STIP1: variants seen among roughly 807,000 people sequenced by gnomAD.
STIP1 encodes the protein stress induced phosphoprotein 1.
STIP1 carries 16 observed loss-of-function variants against 77.4 expected under a neutral mutation model. The observed-to-expected ratio is 0.21, with a 90% CI of 0.14 to 0.31. The LOEUF (loss-of-function observed/expected upper bound fraction) is 0.31, where lower values mean the gene tolerates loss of function less well. Among genes scored for constraint, STIP1 ranks in the 10% least tolerant of loss-of-function variants. STIP1 has a pLI of 1.00. For missense variants in STIP1, 524 were observed against 684.8 expected (o/e 0.77, Z 2.62); for synonymous variants, 258 against 246.6 (o/e 1.05, Z -0.44).
upstream of STIP1, chr11:64,185,631 G>C (rs999749914): frequency 2.7e-5 from 19 of 700,146 alleles, no homozygotes; most frequent in South Asian, 1.8e-4. Flanking sequence ...TCGGGAGCGA[G>C]AGGGAAAGCA....
intron 4 of STIP1, 37 bp from the exon 5 acceptor site, chr11:64,195,608 A>G (rs1473424262): frequency 1.3e-6 from 2 of 1,523,152 alleles, no homozygotes; most frequent in Non-Finnish European, 1.8e-6. Context: ...GGGAGGAGTA[A>G]TTACAATTTT....
At chr11:64,192,429 T>G (rs1020402284) in intron 1 of STIP1, among the ~76,000 whole-genome samples, 2 of 152,222 alleles carry the variant, frequency 1.3e-5, no homozygotes, top group African/African-American at 4.8e-5. Context: ...CCCTTTGTAA[T>G]GTAATATTTA....
At chr11:64,203,843 G>T in intron 13 of STIP1, 1 of 759,742 alleles carries the variant, frequency 1.3e-6, no homozygotes, top group Non-Finnish European at 2.1e-6. Flanking sequence ...CTGGGAGAAA[G>T]GTCTTGACTG....
chr11:64,194,690 G>A (rs67546972), intron 4 of STIP1, 70 bp downstream of exon 4: 266,612 of 1,566,734 alleles, frequency 0.17, 23,862 homozygotes, highest in Admixed American at 0.3. Context: ...TAACCTCACA[G>A]CAGAGGGTTC....
At chr11:64,186,776 C>T (rs984943356) in intron 1 of STIP1, among the ~76,000 whole-genome samples, 1 of 152,122 alleles carries the variant, frequency 6.6e-6, no homozygotes, top group African/African-American at 2.4e-5. Context: ...TGGGAGTAGC[C>T]GAGGATCTTA....
At position 64,199,930 on chromosome 11, in the gene STIP1, T is replaced by C. The variant is rs749636246; in HGVS notation, c.1024-10T>C. 10 of 1,613,972 alleles carry C rather than the reference T, an allele frequency of 6.2e-6. No individual in the cohort carries two copies. The highest frequency in any genetic ancestry group is 3.3e-5 in the Admixed American group (2 of 59,982). ...GTTTAAATTATTATTTCAAGAATTATGTTTTGTAGGCAGAGAAAATCCTGA... is the reference window on the plus strand; with the variant it reads ...GTTTAAATTATTATTTCAAGAATTACGTTTTGTAGGCAGAGAAAATCCTGA... On this transcript the variant is annotated splice_polypyrimidine_tract_variant and intron_variant, in intron 8 of 13. Transcript: ENST00000305218.
Position 64,204,139 on chromosome 11 carries a change from C to A in STIP1, c.*13C>A. On this transcript the variant is annotated 3_prime_UTR_variant, in exon 14 of 14. Coordinates refer to ENST00000305218, the MANE Select transcript of STIP1 (RefSeq NM_006819.3). ...TGCAATTCGGTGATGACTTGTTCAT[C>A]CCCCCTTCCCTTCGCCCTCATGTGG... 6.2e-7 allele frequency: 1 copy of A among 1,613,862 alleles called. No homozygotes were observed. Among genetic ancestry groups the A allele is most frequent in the South Asian group, 1.1e-5 (1 of 91,062 alleles).
intron 4 of STIP1, 42 bp from the exon 5 acceptor site, chr11:64,195,603 G>A (rs1191445019): frequency 1.3e-6 from 2 of 1,510,804 alleles, no homozygotes; most frequent in Non-Finnish European, 1.8e-6. Flanking sequence ...TTGTGGGGAG[G>A]AGTAATTACA....
At chr11:64,185,690 CA>C, upstream of STIP1, 4 of 1,245,298 alleles carry the variant, frequency 3.2e-6, no homozygotes, top group Non-Finnish European at 4.4e-6. Context: ...ACCCCGACTG[CA>C]GCCGGTACTC....
In STIP1 at chr11:64,204,475, C is replaced by G. The variant is rs1308109612; in HGVS notation, c.*349C>G. The G allele has an allele frequency of 3.2e-6, 1 of 315,574 alleles. No homozygotes were observed. The highest frequency in any genetic ancestry group is 5.8e-6 in the Non-Finnish European group (1 of 171,732). The allele number at this position is 315,574 out of a possible 1,614,324, so 19.5% of individuals were successfully genotyped here. A position where few individuals can be genotyped will look rare whatever the true frequency, so the allele number is the denominator to read the frequency against. The stretch of plus-strand genomic sequence containing the variant: ...GAGGGGGTTCTTCCAGCCTCAGGTC[C>G]CAGCTGTCTCACGTTGTTTATTCTG... On this transcript the variant is annotated 3_prime_UTR_variant, in exon 14 of 14. Transcript: ENST00000305218.
intron 10 of STIP1, among the ~76,000 whole-genome samples, chr11:64,200,590 CGTGTGTGTGTGT>C (rs35484605): frequency 0.12 from 17,043 of 141,228 alleles, 1,235 homozygotes; most frequent in Non-Finnish European, 0.18. Context: ...TCTAACTGGT[CGTGTGTGTGTGT>C]GTGTGTGTGT....
chr11:64,193,422 A>G (rs1946114425), intron 2 of STIP1, 135 bp downstream of exon 2: 1 of 767,218 alleles, frequency 1.3e-6, no homozygotes, highest in South Asian at 1.7e-5. Flanking sequence ...CTCCTCAGAA[A>G]TGGCATTTTT....
chr11:64,188,219 C>G (rs1286253438), intron 1 of STIP1, among the ~76,000 whole-genome samples: 1 of 151,744 alleles, frequency 6.6e-6, no homozygotes, highest in African/African-American at 2.4e-5. Context: ...TGGCGCAGGC[C>G]TGTAATCCCA....
At position 64,204,037 on chromosome 11, in the gene STIP1, T is replaced by C; in HGVS notation, c.1560-17T>C. 7 of 1,613,692 alleles carry C rather than the reference T, an allele frequency of 4.3e-6. No homozygotes were observed. The highest frequency in any genetic ancestry group is 5.9e-6 in the Non-Finnish European group (7 of 1,179,606). ...TAAAGGTTGTCTCATTTCAAGTAAC[T>C]GCGTCTTCCTCTGTAGACACTTAAA... On this transcript the variant is annotated splice_polypyrimidine_tract_variant and intron_variant, in intron 13 of 13. Coordinates refer to ENST00000305218, the MANE Select transcript of STIP1 (RefSeq NM_006819.3).
At chr11:64,191,616 A>G (rs1240668504) in intron 1 of STIP1, among the ~76,000 whole-genome samples, 2 of 152,120 alleles carry the variant, frequency 1.3e-5, no homozygotes, top group Non-Finnish European at 2.9e-5. Flanking sequence ...AAAAATAATA[A>G]TAATAAATAC....
intron 5 of STIP1, among the ~76,000 whole-genome samples, chr11:64,196,495 G>A (rs1355541579): frequency 6.6e-6 from 1 of 152,010 alleles, no homozygotes; most frequent in Non-Finnish European, 1.5e-5. Context: ...CACCACAGCG[G>A]CTTCATTGCT....
At chr11:64,195,375 C>T (rs1351922951) in intron 4 of STIP1, among the ~76,000 whole-genome samples, 1 of 152,146 alleles carries the variant, frequency 6.6e-6, no homozygotes, top group Non-Finnish European at 1.5e-5. Flanking sequence ...CTCGGCCTCC[C>T]AAAGTGCTGG....
Position 64,197,549 on chromosome 11 carries a change from A to G in STIP1, c.856A>G (p.Ile286Val), listed in dbSNP as rs762737538. The change falls in exon 7 of 14, where the codon ATT (isoleucine) becomes GTT (valine). Residue 286 changes from isoleucine (I) to valine (V), a missense_variant. Transcript: ENST00000305218. ...GTGCCGGGAGCTTTGTGAGAAGGCC[A>G]TTGAAGTGGGGAGAGAAAACCGAGA... ...NKCRELCEKA[I>V]EVGRENREDY... 6.2e-7 allele frequency: 1 copy of G among 1,614,106 alleles called. No individual in the cohort carries two copies. The highest frequency in any genetic ancestry group is 1.3e-5 in the African/African-American group (1 of 74,938).
intron 1 of STIP1, among the ~76,000 whole-genome samples, chr11:64,191,990 G>A (rs971688634): frequency 5.3e-5 from 8 of 151,822 alleles, no homozygotes; most frequent in Admixed American, 3.3e-4. Flanking sequence ...TCGGTGGGGC[G>A]GCCAGGCAGA....
Sources: allele counts gnomAD v4.1 joint callset (sites outside exome capture counted in the v4.1 genomes callset), GRCh38; gene constraint gnomAD v4.1.1; transcripts MANE v1.5; gene names NCBI Gene and HGNC (gene_info 2026-07-23, HGNC 2026-07-21).